Variants in UBXN2A observed in about 807,000 individuals in gnomAD.
The protein encoded by UBXN2A is UBX domain protein 2A.
UBXN2A carries 28 observed loss-of-function variants against 28.4 expected under a neutral mutation model. That is an observed-to-expected ratio of 0.99 (90% CI 0.73 to 1.35). The LOEUF is 1.35. Ranked by LOEUF, UBXN2A falls within the 40% of genes most tolerant of loss-of-function variation. The probability of loss-of-function intolerance (pLI) is 0.00; values close to 1 mark genes in which losing one functional copy is unlikely to be tolerated. For synonymous variants in UBXN2A, 97 were observed against 103.6 expected (o/e 0.94, Z 0.39); for missense variants, 253 against 297.9 (o/e 0.85, Z 1.11).
At chr2:23,992,688 A>G (rs904332529) in intron 6 of UBXN2A, among the ~76,000 whole-genome samples, 1 of 152,164 alleles carries the variant, frequency 6.6e-6, no homozygotes, top group Non-Finnish European at 1.5e-5. Flanking sequence ...GAACCCTGTC[A>G]ACCTTTTTAG....
chr2:23,935,119 C>T (rs1349155323), intron 1 of UBXN2A, among the ~76,000 whole-genome samples: 1 of 151,978 alleles, frequency 6.6e-6, no homozygotes, highest in African/African-American at 2.4e-5. Context: ...AATGTCAGAG[C>T]TAAAGCTATA....
chr2:23,942,566 G>A (rs1483824261), intron 1 of UBXN2A, among the ~76,000 whole-genome samples: 4 of 150,464 alleles, frequency 2.7e-5, no homozygotes, highest in East Asian at 2.0e-4. Flanking sequence ...ACTATAATGC[G>A]CGCCACCATG....
At chr2:23,951,550 T>TC (rs1411854691) in intron 1 of UBXN2A, among the ~76,000 whole-genome samples, 1 of 151,252 alleles carries the variant, frequency 6.6e-6, no homozygotes, top group Non-Finnish European at 1.5e-5. Context: ...AACCTCTGCC[T>TC]CCAAGGTTCA....
At chr2:23,961,836 G>A (rs1014512920) in intron 2 of UBXN2A, among the ~76,000 whole-genome samples, 8 of 147,564 alleles carry the variant, frequency 5.4e-5, no homozygotes, top group African/African-American at 1.8e-4. Context: ...GTGAACCACC[G>A]CACCCGGCCT....
intron 4 of UBXN2A, among the ~76,000 whole-genome samples, chr2:23,979,805 A>G (rs530297020): frequency 1.7e-4 from 26 of 152,130 alleles, no homozygotes; most frequent in Admixed American, 9.8e-4. Flanking sequence ...TCCTGATCTC[A>G]AGCAATCCTC....
At chr2:23,985,312 G>A (rs759358328) in intron 6 of UBXN2A, among the ~76,000 whole-genome samples, 1 of 152,066 alleles carries the variant, frequency 6.6e-6, no homozygotes, top group East Asian at 1.9e-4. Flanking sequence ...GTAGTGGCAC[G>A]ATCTCAGCTC....
chr2:23,982,344 G>GC, intron 4 of UBXN2A, among the ~76,000 whole-genome samples: 1 of 151,840 alleles, frequency 6.6e-6, no homozygotes, highest in East Asian at 1.9e-4. Flanking sequence ...TCCAGCCTGG[G>GC]CGACAGAGCA....
intron 1 of UBXN2A, among the ~76,000 whole-genome samples, chr2:23,942,867 G>A (rs1359570890): frequency 2.6e-5 from 4 of 151,688 alleles, no homozygotes; most frequent in Admixed American, 1.3e-4. Context: ...TTACCCAAAT[G>A]ACTTGGATGT....
In UBXN2A at chr2:23,967,498, G is replaced by T. The variant is rs1328444501; in HGVS notation, c.42-3778G>T. Among the ~76,000 whole-genome samples, 10 of 152,124 alleles carry T rather than the reference G, an allele frequency of 6.6e-5. 1 individual carries two copies. Reference sequence around the variant, plus strand: ...GATACTTACTATATACCATGTTTAGGCTTTTATATATATTTTCATTTAATC... The same window carrying T: ...GATACTTACTATATACCATGTTTAGTCTTTTATATATATTTTCATTTAATC... On this transcript the variant is annotated intron_variant, in intron 2 of 6. Coordinates refer to ENST00000309033, the MANE Select transcript of UBXN2A (RefSeq NM_181713.4).
At chr2:23,967,523 C>T (rs925367741) in intron 2 of UBXN2A, among the ~76,000 whole-genome samples, 1 of 152,134 alleles carries the variant, frequency 6.6e-6, no homozygotes, top group Non-Finnish European at 1.5e-5. Context: ...TTCATTTAAT[C>T]TTCACAACAA....
chr2:23,947,779 C>T (rs1212868393), intron 1 of UBXN2A, among the ~76,000 whole-genome samples: 1 of 152,142 alleles, frequency 6.6e-6, no homozygotes, highest in Non-Finnish European at 1.5e-5. Flanking sequence ...GATACTGACA[C>T]TTTTGTCATT....
intron 1 of UBXN2A, chr2:23,943,760 G>T: frequency 4.7e-6 from 1 of 212,350 alleles, no homozygotes. Context: ...CAAAGTGCTG[G>T]GATTACAGGC....
At chr2:23,938,550 CCTCCCT>C (rs1220226452), upstream of UBXN2A, among the ~76,000 whole-genome samples, 372 of 142,936 alleles carry the variant, frequency 2.6e-3, no homozygotes, top group African/African-American at 0.01. Context: ...GTGGCCCCCC[CCTCCCT>C]TTTTTTTTTT....
rs184558051 is a variant in UBXN2A at position 23,935,352 on chromosome 2, T to C, written c.-137-4188T>C. 3.7e-3 allele frequency among the ~76,000 whole-genome samples: 563 copies of C among 152,250 alleles called. 3 individuals are homozygous for C. The highest frequency in any genetic ancestry group is 0.014 in the Middle Eastern group (4 of 294). ...TGATAAGGGATTACTATCCATAATA[T>C]GTATTTTTTAAAACGCAAAAACTCC... On this transcript the variant is annotated intron_variant, in intron 1 of 7. Transcript: ENST00000404924.
chr2:23,982,125 T>C (rs951766516), intron 4 of UBXN2A, among the ~76,000 whole-genome samples: 1 of 151,734 alleles, frequency 6.6e-6, no homozygotes, highest in Non-Finnish European at 1.5e-5. Context: ...TTTGGGAGGC[T>C]GAGGCGGGCA....
intron 2 of UBXN2A, among the ~76,000 whole-genome samples, chr2:23,965,168 A>C (rs1707110506): frequency 6.6e-6 from 1 of 152,154 alleles, no homozygotes; most frequent in African/African-American, 2.4e-5. Context: ...GGCATGAGCC[A>C]CTGCACCTGG....
rs1479954904 is a variant in UBXN2A, at chr2:23,999,721, A to C, written c.634A>C (p.Ser212Arg). Reference sequence around the variant, plus strand: ...TGAAAAATACCAAGGATCTCAAAGAAGTCCTCCGTTTTCCCTGGCAACAGC... The same window carrying C: ...TGAAAAATACCAAGGATCTCAAAGACGTCCTCCGTTTTCCCTGGCAACAGC... ...FIEKYQGSQRSPPFSLATALP... is the reference protein window; with the variant it reads ...FIEKYQGSQRRPPFSLATALP... Residue 212 changes from serine to arginine, a missense_variant, in exon 7 of 7, where the codon AGT becomes CGT. Transcript: ENST00000309033. The C allele has an allele frequency of 1.9e-6, 3 of 1,614,064 alleles. No homozygotes were observed. The highest frequency in any genetic ancestry group is 2.5e-6 in the Non-Finnish European group (3 of 1,180,036).
At chr2:23,973,123 C>A (rs570221071) in intron 3 of UBXN2A, among the ~76,000 whole-genome samples, 1 of 151,808 alleles carries the variant, frequency 6.6e-6, no homozygotes, top group East Asian at 2.0e-4. Context: ...AGGTTCAAGC[C>A]ATTCTCCTGC....
chr2:23,932,871 G>A (rs1288558076), intron 1 of UBXN2A, among the ~76,000 whole-genome samples: 4 of 152,132 alleles, frequency 2.6e-5, no homozygotes, highest in African/African-American at 7.2e-5. Context: ...TGGGGAGGCC[G>A]AGGCAGGTGG....
Sources: allele counts gnomAD v4.1 joint callset (sites outside exome capture counted in the v4.1 genomes callset), GRCh38; gene constraint gnomAD v4.1.1; transcripts MANE v1.5; gene names NCBI Gene and HGNC (gene_info 2026-07-23, HGNC 2026-07-21).